Variants in HIVEP3 observed in about 807,000 individuals in gnomAD.
HIVEP3 encodes the protein transcription factor HIVEP3.
In HIVEP3, 49 loss-of-function variants were observed where a neutral mutation model predicts 152.8. The observed-to-expected ratio is 0.32, with a 90% CI of 0.26 to 0.41. The LOEUF (loss-of-function observed/expected upper bound fraction) is 0.41. Ranked by LOEUF, HIVEP3 falls within the 10% of genes least tolerant of loss-of-function variation. HIVEP3 has a pLI of 1.00. For synonymous variants in HIVEP3, 1,269 were observed against 1,289.0 expected, an observed-to-expected ratio of 0.98 and a Z score of 0.33; for missense variants, 2,790 against 3,103.3, an observed-to-expected ratio of 0.90 and a Z score of 2.40.
intron 4 of HIVEP3, among the ~76,000 whole-genome samples, chr1:41,579,442 T>C (rs1644367109): frequency 6.6e-6 from 1 of 152,238 alleles, no homozygotes; most frequent in South Asian, 2.1e-4. Flanking sequence ...ATTTCTTTTT[T>C]TTCTTACTGA....
intron 1 of HIVEP3, among the ~76,000 whole-genome samples, chr1:41,757,054 C>A (rs1170606308): frequency 1.3e-5 from 2 of 150,936 alleles, no homozygotes; most frequent in Non-Finnish European, 2.9e-5. Flanking sequence ...GAGTATGAGG[C>A]CAGCCTGGGC....
At chr1:41,975,937 A>G (rs1248033865) in intron 1 of HIVEP3, among the ~76,000 whole-genome samples, 1 of 152,216 alleles carries the variant, frequency 6.6e-6, no homozygotes. Context: ...TTGGCTCACG[A>G]GTAGAAGAAC....
intron 2 of HIVEP3, among the ~76,000 whole-genome samples, chr1:41,690,950 T>C (rs544945681): frequency 2.0e-5 from 3 of 152,248 alleles, no homozygotes; most frequent in African/African-American, 7.2e-5. Context: ...AAAGAAAGCA[T>C]GGATTTTGGA....
chr1:41,582,323 C>T lies in HIVEP3; in HGVS notation c.2475G>A (p.Leu825=). ...CAGGTGGGGGTGATGGGAACTGGGC[C>T]AGAGGTTTGTCTTCCCCTTCCAAGC... ...PSGLEGEDKP[L]AQFPSPPPAP... The change falls in exon 4 of 9, where the codon CTG becomes CTA. Residue 825 remains leucine (L), a synonymous_variant. Transcript: ENST00000372583. The surrounding 1 kb of genome is among the most constrained non-coding windows in gnomAD (Gnocchi z 4.7). The T allele has an allele frequency of 6.2e-7, 1 of 1,614,132 alleles. No homozygotes were observed. Among genetic ancestry groups the T allele is most frequent in the Non-Finnish European group, 8.5e-7 (1 of 1,180,024 alleles).
chr1:41,784,871 A>G (rs1198452089), intron 1 of HIVEP3, among the ~76,000 whole-genome samples: 1 of 152,202 alleles, frequency 6.6e-6, no homozygotes, highest in Admixed American at 6.5e-5. Context: ...CTGGCAGATA[A>G]TTTACAAATT....
chr1:41,601,674 T>A (rs1483988698), intron 3 of HIVEP3, among the ~76,000 whole-genome samples: 1 of 152,184 alleles, frequency 6.6e-6, no homozygotes. Flanking sequence ...TATTATTTTG[T>A]CTGCAAACAG....
intron 1 of HIVEP3, among the ~76,000 whole-genome samples, chr1:41,844,959 G>A (rs143745132): frequency 5.3e-5 from 8 of 152,304 alleles, no homozygotes; most frequent in Non-Finnish European, 1.0e-4. Context: ...GAAGAGGGCC[G>A]CTGGAGGCCT....
In HIVEP3 at chr1:41,875,369, G is replaced by C. The variant is rs887325440; in HGVS notation, c.-801+43044C>G. ...CCCCATCCATCCTGCTCCTGGCCAC[G>C]GCCTCTGGCCTGAAGGGCTGCAAAA... On this transcript the variant is annotated intron_variant, in intron 1 of 8. Transcript: ENST00000372583. 5.3e-5 allele frequency among the ~76,000 whole-genome samples: 8 copies of C among 152,288 alleles called. No individual in the cohort carries two copies. In the East Asian group the frequency reaches 1.5e-3, roughly 29 times the overall value.
At chr1:41,554,826 A>G (rs1050617090) in intron 5 of HIVEP3, among the ~76,000 whole-genome samples, 1 of 152,230 alleles carries the variant, frequency 6.6e-6, no homozygotes, top group Non-Finnish European at 1.5e-5. Context: ...CAGAGGCTGC[A>G]GAACAGCAAA....
intron 1 of HIVEP3, among the ~76,000 whole-genome samples, chr1:41,749,404 T>TTTTGTGTGTGTGTGTGTGTGTGTG (rs1553255920): frequency 7.1e-6 from 1 of 140,678 alleles, no homozygotes; most frequent in African/African-American, 2.6e-5. Context: ...TTAGAAAAAA[T>TTTTGTGTGTGTGTGTGTGTGTGTG]TGTGTGTGTG....
intron 1 of HIVEP3, among the ~76,000 whole-genome samples, chr1:41,993,141 T>A (rs1425345894): frequency 0.018 from 2,748 of 150,274 alleles, 51 homozygotes; most frequent in African/African-American, 0.063. Flanking sequence ...AAGACAAAAT[T>A]GACAAATGGG....
chr1:41,526,264 C>A (rs1307625786), intron 5 of HIVEP3, among the ~76,000 whole-genome samples: 1 of 151,210 alleles, frequency 6.6e-6, no homozygotes, highest in African/African-American at 2.4e-5. Flanking sequence ...CATGCTCACA[C>A]CCACACACTC....
At position 41,590,274 on chromosome 1, in the gene HIVEP3, T is replaced by C. The variant is rs2767344; in HGVS notation, c.-521-4956A>G. ...GAGCTCTGGCTGGGAACAGGGATTG[T>C]GGCAGAGACTGAATATTTCTTCCAT... is the stretch of plus-strand genomic sequence containing the variant. On this transcript the variant is annotated intron_variant, in intron 3 of 8. Transcript: ENST00000372583. 9.6e-3 allele frequency among the ~76,000 whole-genome samples: 1,460 copies of C among 152,362 alleles called. 20 individuals are homozygous for C. Among genetic ancestry groups the C allele is most frequent in the African/African-American group, 0.033 (1,384 of 41,572 alleles).
chr1:41,627,734 C>G (rs72669077), intron 3 of HIVEP3, among the ~76,000 whole-genome samples: 1 of 152,182 alleles, frequency 6.6e-6, no homozygotes, highest in African/African-American at 2.4e-5. Context: ...GCTGGGCCCA[C>G]AGACCCAAAC....
intron 1 of HIVEP3, among the ~76,000 whole-genome samples, chr1:41,835,607 G>A (rs1292811414): frequency 6.6e-6 from 1 of 152,196 alleles, no homozygotes; most frequent in Non-Finnish European, 1.5e-5. Context: ...GCTCTTCCAT[G>A]GTTAACTTCA....
At chr1:41,732,713 A>T (rs1646859819) in intron 1 of HIVEP3, among the ~76,000 whole-genome samples, 1 of 151,994 alleles carries the variant, frequency 6.6e-6, no homozygotes, top group Non-Finnish European at 1.5e-5. Flanking sequence ...CCTACTCCCC[A>T]TCATACAGCA....
intron 5 of HIVEP3, among the ~76,000 whole-genome samples, chr1:41,563,931 A>G (rs2149091332): frequency 6.6e-6 from 1 of 152,332 alleles, no homozygotes; most frequent in Middle Eastern, 3.4e-3. Context: ...ATGTGACAGT[A>G]GAAATCAAAA....
At chr1:41,528,458 C>T in intron 5 of HIVEP3, among the ~76,000 whole-genome samples, 1 of 130,378 alleles carries the variant, frequency 7.7e-6, no homozygotes. Flanking sequence ...CTCACACACA[C>T]CCCACCCTCA....
chr1:41,538,857 T>G (rs995786075), intron 5 of HIVEP3, among the ~76,000 whole-genome samples: 2 of 152,020 alleles, frequency 1.3e-5, no homozygotes, highest in Non-Finnish European at 2.9e-5. Flanking sequence ...TAGGTGGAGT[T>G]GCTCCAGCCA....
Sources: allele counts gnomAD v4.1 joint callset (sites outside exome capture counted in the v4.1 genomes callset), GRCh38; gene constraint gnomAD v4.1.1; non-coding constraint Gnocchi (gnomAD v3.1); transcripts MANE v1.5; gene names NCBI Gene and HGNC (gene_info 2026-07-23, HGNC 2026-07-21).